The following NFIX variants were observed in gnomAD, a reference collection of about 807,000 sequenced individuals.
NFIX encodes the protein nuclear factor 1 X-type.
NFIX carries 2 observed loss-of-function variants against 53.3 expected under a neutral mutation model. The observed-to-expected ratio is 0.04, with a 90% confidence interval of 0.02 to 0.12. NFIX has a LOEUF of 0.12. NFIX is among the 10% of genes least tolerant of loss of function. The probability of loss-of-function intolerance (pLI) is 1.00; values close to 1 mark genes in which losing one functional copy is unlikely to be tolerated. For missense variants in NFIX, 310 were observed against 674.5 expected (o/e 0.46, Z 5.99); for synonymous variants, 244 against 289.0 (o/e 0.84, Z 1.58).
At chr19:13,003,656 T>A (rs910506595) in intron 1 of NFIX, among the ~76,000 whole-genome samples, 3 of 152,054 alleles carry the variant, frequency 2.0e-5, no homozygotes, top group African/African-American at 7.2e-5. Context: ...TTTTTTTTTT[T>A]AGAGACAGAC....
At position 13,021,825 on chromosome 19, in the gene NFIX, G is replaced by A. The variant is rs531831082; in HGVS notation, c.28-3196G>A. Among the ~76,000 whole-genome samples, 2 of 152,228 alleles carry A rather than the reference G, an allele frequency of 1.3e-5. No homozygotes were observed. The highest frequency in any genetic ancestry group is 2.9e-5 in the Non-Finnish European group (2 of 68,010). ...GAAGGTCCCCAAGTGGAGGACCAGA[G>A]CAGGGGCTCCCCGGTGGGTCACTTC... On this transcript the variant is annotated intron_variant, in intron 1 of 10. Transcript: ENST00000592199. This position sits in a 1 kb window ranked among gnomAD's most constrained non-coding sequence, Gnocchi z 4.2.
chr19:13,072,640 G>GGT lies in NFIX; in HGVS notation c.560-405_560-404dup, dbSNP rs2016837664. ...CCCTCTTTGCTCCTGACTCTTGGCC[G>GGT]GTGCTTCTTACCTGAGGGTGACTTT... is the stretch of plus-strand genomic sequence containing the variant. On this transcript the variant is annotated intron_variant, in intron 2 of 10. Coordinates refer to ENST00000592199, the MANE Select transcript of NFIX (RefSeq NM_001365902.3). This position sits in a 1 kb window ranked among gnomAD's most constrained non-coding sequence, Gnocchi z 4.0. 6.6e-6 allele frequency among the ~76,000 whole-genome samples: 1 copy of GGT among 152,180 alleles called. No homozygotes were observed. Among genetic ancestry groups the GGT allele is most frequent in the South Asian group, 2.1e-4 (1 of 4,832 alleles).
In NFIX at chr19:13,009,565, T is replaced by A. The variant is rs1306134591; in HGVS notation, c.27+13701T>A. Among the ~76,000 whole-genome samples, 1 of 152,130 alleles carries A rather than the reference T, an allele frequency of 6.6e-6. No individual in the cohort carries two copies. The highest frequency in any genetic ancestry group is 1.5e-5 in the Non-Finnish European group (1 of 68,012). ...CTCCTTCTGGCCTTCCCATGGGAATTCCCTTCCTATTCCCCAGTTCTAAGA... is the reference window on the plus strand; with the variant it reads ...CTCCTTCTGGCCTTCCCATGGGAATACCCTTCCTATTCCCCAGTTCTAAGA... On this transcript the variant is annotated intron_variant, in intron 1 of 10. Transcript: ENST00000592199. The surrounding 1 kb of genome is among the most constrained non-coding windows in gnomAD (Gnocchi z 4.7).
Position 13,098,735 on chromosome 19 carries a change from G to C in NFIX, c.*4086G>C, listed in dbSNP as rs1263049133. On this transcript the variant is annotated 3_prime_UTR_variant, in exon 11 of 11. Coordinates refer to ENST00000592199, the MANE Select transcript of NFIX (RefSeq NM_001365902.3). ...ATACCATCTTTGCCTGACTCTCTCC[G>C]GCTTCTCCATTGAATGGCTAATGTG... is the stretch of plus-strand genomic sequence containing the variant. 1 of 143,394 alleles carries C rather than the reference G, an allele frequency of 7.0e-6. No individual in the cohort carries two copies. The highest frequency in any genetic ancestry group is 1.5e-5 in the Non-Finnish European group (1 of 65,422). 8.9% of individuals were successfully genotyped at this position (143,394 alleles called of 1,614,324 possible).
In NFIX at chr19:12,995,503, G is replaced by GGCT. The variant is rs1482047799; in HGVS notation, c.-332_-330dup. 2 of 155,552 alleles carry GGCT rather than the reference G, an allele frequency of 1.3e-5. No individual in the cohort carries two copies. The highest frequency in any genetic ancestry group is 2.8e-5 in the Non-Finnish European group (2 of 71,090). The allele number at this position is 155,552 out of a possible 1,614,324, so 9.6% of individuals were successfully genotyped here. On this transcript the variant is annotated 5_prime_UTR_variant, in exon 1 of 11. Coordinates refer to ENST00000592199, the MANE Select transcript of NFIX (RefSeq NM_001365902.3). Reference sequence around the variant, plus strand: ...TAAACTTTCACTTTCACAGCGCGGCGGCTGCGGCGGCGGCGGCGGCGGGCG... The same window carrying GGCT: ...TAAACTTTCACTTTCACAGCGCGGCGGCTGCTGCGGCGGCGGCGGCGGCGGGCG...
rs2016445776 is a variant in NFIX at position 13,067,001 on chromosome 19, G to A, written c.560-6046G>A. 6.6e-6 allele frequency among the ~76,000 whole-genome samples: 1 copy of A among 152,160 alleles called. No individual in the cohort carries two copies. Among genetic ancestry groups the A allele is most frequent in the Admixed American group, 6.5e-5 (1 of 15,278 alleles). ...TATCCACCGTTCCCCTCCTCAGGGT[G>A]TCTCAGATTCTCAGACTTCAGTTTC... On this transcript the variant is annotated intron_variant, in intron 2 of 10. Transcript: ENST00000592199. This position sits in a 1 kb window ranked among gnomAD's most constrained non-coding sequence, Gnocchi z 4.2.
intron 2 of NFIX, among the ~76,000 whole-genome samples, chr19:13,062,052 C>CCTCTGGACAG (rs1326480363): frequency 1.5e-4 from 23 of 152,284 alleles, no homozygotes; most frequent in Non-Finnish European, 3.1e-4. Context: ...CCTCGTATTT[C>CCTCTGGACAG]CTCTGGACAG....
intron 2 of NFIX, among the ~76,000 whole-genome samples, chr19:13,039,264 G>T (rs1361401600): frequency 6.6e-6 from 1 of 150,948 alleles, no homozygotes; most frequent in Non-Finnish European, 1.5e-5. Flanking sequence ...GTGTGTGTAG[G>T]GTCTGTTCAA....
At chr19:13,041,894 G>A (rs1369765434) in intron 2 of NFIX, among the ~76,000 whole-genome samples, 1 of 151,120 alleles carries the variant, frequency 6.6e-6, no homozygotes, top group Non-Finnish European at 1.5e-5. Flanking sequence ...TTTCTTGTTT[G>A]TTTGTTTGTT....
chr19:13,077,269 G>A lies in NFIX; in HGVS notation c.956-1344G>A, dbSNP rs943356016. Among the ~76,000 whole-genome samples the A allele has an allele frequency of 4.6e-5, 7 of 152,204 alleles. No homozygotes were observed. In the East Asian group the frequency reaches 7.7e-4, roughly 17 times the overall value. On this transcript the variant is annotated intron_variant, in intron 6 of 10. Coordinates refer to ENST00000592199, the MANE Select transcript of NFIX (RefSeq NM_001365902.3). ...TCCTTTCTTGGCTGTCTGCTTTTGCGCCTGCCATTTCTGCATTTCTGCTCC... is the reference window on the plus strand; with the variant it reads ...TCCTTTCTTGGCTGTCTGCTTTTGCACCTGCCATTTCTGCATTTCTGCTCC...
rs1434285827 is a variant in NFIX, at chr19:13,090,600, G to T, written c.1494+210G>T. The stretch of plus-strand genomic sequence containing the variant: ...GGCTCCCTGGCTAATCAGCTAATTG[G>T]ATAATTAGCTCTGACAGCCCTGGCC... On this transcript the variant is annotated intron_variant, in intron 10 of 10. Coordinates refer to ENST00000592199, the MANE Select transcript of NFIX (RefSeq NM_001365902.3). The surrounding 1 kb of genome is among the most constrained non-coding windows in gnomAD (Gnocchi z 6.6). Among the ~76,000 whole-genome samples, 1 of 152,206 alleles carries T rather than the reference G, an allele frequency of 6.6e-6. No individual in the cohort carries two copies. Among genetic ancestry groups the T allele is most frequent in the Non-Finnish European group, 1.5e-5 (1 of 68,034 alleles).
Position 13,044,149 on chromosome 19 carries a change from G to C in NFIX, c.559+18597G>C, listed in dbSNP as rs1008604087. Among the ~76,000 whole-genome samples the C allele has an allele frequency of 9.9e-5, 15 of 152,280 alleles. No individual in the cohort carries two copies. The South Asian group carries it at 2.7e-3, about 27-fold the overall frequency. On this transcript the variant is annotated intron_variant, in intron 2 of 10. Transcript: ENST00000592199. ...CCCTGGGTAGTGGGAGCTGCCTCAA[G>C]ACTCCTGAGGCCCCACAAGAGGCTT...
chr19:13,038,461 G>T (rs1397420096), intron 2 of NFIX, among the ~76,000 whole-genome samples: 1 of 152,146 alleles, frequency 6.6e-6, no homozygotes, highest in African/African-American at 2.4e-5. Context: ...ACCAGGGCTG[G>T]ACTCTGCCAC....
At position 13,013,059 on chromosome 19, in the gene NFIX, G is replaced by A. The variant is rs1389299624; in HGVS notation, c.28-11962G>A. ...CCTTCGGGCCGCGGGGAGTTGCGCA[G>A]ACTCTAAAAAAAAAACCTTTAAAAA... On this transcript the variant is annotated intron_variant, in intron 1 of 10. Transcript: ENST00000592199. The surrounding 1 kb of genome is among the most constrained non-coding windows in gnomAD (Gnocchi z 5.9). Among the ~76,000 whole-genome samples the A allele has an allele frequency of 1.2e-4, 15 of 126,302 alleles. 1 individual carries two copies. In the East Asian group the frequency reaches 2.0e-3, roughly 17 times the overall value. The allele number at this position is 126,302 out of a possible 152,430, so 82.9% of individuals were successfully genotyped here.
Position 13,027,331 on chromosome 19 carries a change from C to G in NFIX, c.559+1779C>G, listed in dbSNP as rs2013446786. Among the ~76,000 whole-genome samples, 1 of 152,044 alleles carries G rather than the reference C, an allele frequency of 6.6e-6. No homozygotes were observed. The highest frequency in any genetic ancestry group is 2.4e-5 in the African/African-American group (1 of 41,368). ...TTTTGTCTTTTTTCTTTTTGGAAAA[C>G]AGACTGAGAGGGAAAAAAAAGTTAT... On this transcript the variant is annotated intron_variant, in intron 2 of 10. Coordinates refer to ENST00000592199, the MANE Select transcript of NFIX (RefSeq NM_001365902.3). This position sits in a 1 kb window ranked among gnomAD's most constrained non-coding sequence, Gnocchi z 4.3.
chr19:13,081,940 CA>C lies in NFIX; in HGVS notation c.1254+89del. ...TCTCAGGGCTCACAGGGAGAGGGCC[CA>C]AAAGCCAGGAGCCCACCTGGGGCTG... On this transcript the variant is annotated intron_variant, in intron 8 of 10. Transcript: ENST00000592199. The surrounding 1 kb of genome is among the most constrained non-coding windows in gnomAD (Gnocchi z 4.7). 6.6e-7 allele frequency: 1 copy of C among 1,524,402 alleles called. No homozygotes were observed. Among genetic ancestry groups the C allele is most frequent in the South Asian group, 1.2e-5 (1 of 84,998 alleles). 94.4% of individuals were successfully genotyped at this position (1,524,402 alleles called of 1,614,324 possible).
At position 13,073,901 on chromosome 19, in the gene NFIX, C is replaced by T; in HGVS notation, c.698-5C>T. On this transcript the variant is annotated splice_polypyrimidine_tract_variant and splice_region_variant and intron_variant, in intron 4 of 10. Transcript: ENST00000592199. This position sits in a 1 kb window ranked among gnomAD's most constrained non-coding sequence, Gnocchi z 4.5. ...CAAACCTCATCACCCTCTCGTTCTT[C>T]CCAGCTCCTGTTGCAACAGCATCAG... 1 of 1,613,966 alleles carries T rather than the reference C, an allele frequency of 6.2e-7. No individual in the cohort carries two copies. Among genetic ancestry groups the T allele is most frequent in the Non-Finnish European group, 8.5e-7 (1 of 1,179,870 alleles).
At chr19:13,082,456 AG>A (rs1034589243) in intron 8 of NFIX, 3 of 152,394 alleles carry the variant, frequency 2.0e-5, no homozygotes, top group African/African-American at 7.2e-5. Context: ...CACTGTGTCA[AG>A]GGAAAGCCCC....
In NFIX at chr19:13,057,732, G is replaced by A. The variant is rs529273521; in HGVS notation, c.560-15315G>A. On this transcript the variant is annotated intron_variant, in intron 2 of 10. Transcript: ENST00000592199. Reference sequence around the variant, plus strand: ...CCCCTGAGTGTGTACACTGAGGTCTGGTTGTGGTGGGCTGGGCAGGGCAGG... The same window carrying A: ...CCCCTGAGTGTGTACACTGAGGTCTAGTTGTGGTGGGCTGGGCAGGGCAGG... 2.0e-5 allele frequency among the ~76,000 whole-genome samples: 3 copies of A among 152,302 alleles called. No homozygotes were observed. In the South Asian group the frequency reaches 6.2e-4, roughly 32 times the overall value.
Sources: allele counts gnomAD v4.1 joint callset (sites outside exome capture counted in the v4.1 genomes callset), GRCh38; gene constraint gnomAD v4.1.1; non-coding constraint Gnocchi (gnomAD v3.1); transcripts MANE v1.5; gene names NCBI Gene and HGNC (gene_info 2026-07-23, HGNC 2026-07-21).